Variants in PMM2 observed in about 807,000 individuals in gnomAD.
PMM2 encodes the protein phosphomannomutase 2, also known as mannose-6-phosphate isomerase.
Under a neutral mutation model 33.2 loss-of-function variants are expected in PMM2, and 35 were observed. The ratio of observed to expected loss-of-function variants is 1.06; its 90% CI spans 0.81 to 1.40. PMM2 has a LOEUF of 1.40. PMM2 is among the 40% of genes most tolerant of loss of function. The probability of loss-of-function intolerance (pLI) is 0.00; values close to 1 mark genes in which losing one functional copy is unlikely to be tolerated. For missense variants in PMM2, 386 were observed against 306.0 expected, an observed-to-expected ratio of 1.26 and a Z score of -1.95; for synonymous variants, 153 against 114.7, an observed-to-expected ratio of 1.33 and a Z score of -2.13.
intron 7 of PMM2, chr16:8,832,282 T>G (rs1326412239): frequency 5.1e-6 from 5 of 985,290 alleles, no homozygotes; most frequent in Non-Finnish European, 6.0e-6. Flanking sequence ...CTGCGAGCCG[T>G]GCGGCTCTCT....
At chr16:8,813,371 A>G (rs535424018) in intron 7 of PMM2, among the ~76,000 whole-genome samples, 4 of 152,134 alleles carry the variant, frequency 2.6e-5, no homozygotes, top group African/African-American at 4.8e-5. Context: ...TGGCCACCCT[A>G]TGTGCCTTCC....
At chr16:8,845,262 C>T (rs1296528356) in intron 7 of PMM2, among the ~76,000 whole-genome samples, 1 of 152,108 alleles carries the variant, frequency 6.6e-6, no homozygotes, top group African/African-American at 2.4e-5. Flanking sequence ...TTCAAAGAAC[C>T]TTCTTAAGGG....
At chr16:8,828,740 C>G (rs548715665) in intron 7 of PMM2, among the ~76,000 whole-genome samples, 2 of 152,288 alleles carry the variant, frequency 1.3e-5, no homozygotes, top group African/African-American at 4.8e-5. Flanking sequence ...TAGAGGGGTC[C>G]TATGTCCACA....
In PMM2 at chr16:8,804,832, T is replaced by A. The variant is rs1399590258; in HGVS notation, c.244T>A (p.Leu82Met). The change falls in exon 3 of 8, where the codon TTG (leucine) becomes ATG (methionine). Residue 82 changes from leucine (L) to methionine (M), a missense_variant. Physicochemically the swap from Leu to Met is conservative, Grantham distance 15. Coordinates refer to ENST00000268261, the MANE Select transcript of PMM2 (RefSeq NM_000303.3). The part of the protein sequence containing the change: ...GLVAYKDGKL[L>M]CRQNIQSHLG... ...GGTAGCATACAAAGATGGGAAACTC[T>A]TGTGTAGACAGGTAGGTTCTTGAGT... The A allele has an allele frequency of 1.2e-6, 2 of 1,605,866 alleles. No homozygotes were observed. The highest frequency in any genetic ancestry group is 8.5e-7 in the Non-Finnish European group (1 of 1,172,446).
In PMM2 at chr16:8,813,044, C is replaced by G. The variant is rs775516200; in HGVS notation, c.577C>G (p.Leu193Val). ...FPDGWDKRYCLRHVENDGYKT... is the reference protein window; with the variant it reads ...FPDGWDKRYCVRHVENDGYKT... ...TGATGGATGGGACAAGAGATACTGT[C>G]TGCGACATGTGGAAAATGACGGTTA... The change falls in exon 7 of 8, where the codon CTG becomes GTG. Residue 193 changes from leucine (L) to valine (V), a missense_variant. Transcript: ENST00000268261. 3 of 1,613,804 alleles carry G rather than the reference C, an allele frequency of 1.9e-6. No homozygotes were observed. The highest frequency in any genetic ancestry group is 2.5e-6 in the Non-Finnish European group (3 of 1,179,636).
At chr16:8,845,329 T>C (rs2060918176) in intron 7 of PMM2, among the ~76,000 whole-genome samples, 1 of 152,140 alleles carries the variant, frequency 6.6e-6, no homozygotes, top group South Asian at 2.1e-4. Flanking sequence ...CAAATCACAA[T>C]GGTGGAATGT....
At chr16:8,845,810 T>C (rs934939068) in intron 7 of PMM2, among the ~76,000 whole-genome samples, 3 of 151,928 alleles carry the variant, frequency 2.0e-5, no homozygotes, top group Admixed American at 1.3e-4. Context: ...TTTTTTTTTT[T>C]TTAATTAGAA....
chr16:8,821,261 C>T (rs547541532), intron 7 of PMM2, among the ~76,000 whole-genome samples: 77 of 152,276 alleles, frequency 5.1e-4, no homozygotes, highest in African/African-American at 1.8e-3. Flanking sequence ...ATGAGAGGTT[C>T]TCAGCCTGGT....
At chr16:8,811,769 T>G in intron 6 of PMM2, 56 bp downstream of exon 6, 5 of 1,142,348 alleles carry the variant, frequency 4.4e-6, no homozygotes, top group Admixed American at 1.7e-5. Flanking sequence ...CAGAGTTTGT[T>G]GTGGGCCAGT....
intron 3 of PMM2, 41 bp from the exon 4 acceptor site, chr16:8,806,275 C>A: frequency 7.6e-7 from 1 of 1,321,936 alleles, no homozygotes. Context: ...TTTGAAAATG[C>A]TCCTGCTAAA....
chr16:8,836,095 G>A (rs1193554386), intron 7 of PMM2, among the ~76,000 whole-genome samples: 2 of 151,628 alleles, frequency 1.3e-5, no homozygotes, highest in Non-Finnish European at 2.9e-5. Flanking sequence ...TTAGAAGCCT[G>A]GCCGTCAATA....
intron 2 of PMM2, chr16:8,802,446 TA>T: frequency 2.7e-6 from 1 of 365,726 alleles, no homozygotes; most frequent in Non-Finnish European, 5.4e-6. Flanking sequence ...ATTCTGTAAT[TA>T]TTGTAAACTA....
At chr16:8,817,537 C>T (rs1411701871) in intron 7 of PMM2, among the ~76,000 whole-genome samples, 2 of 152,182 alleles carry the variant, frequency 1.3e-5, no homozygotes, top group South Asian at 4.1e-4. Flanking sequence ...GAATGCAGTT[C>T]TTGGATAATC....
In PMM2 at chr16:8,833,044, C is replaced by T. The variant is rs376641451; in HGVS notation, c.640-14680C>T. 1.1e-4 allele frequency: 37 copies of T among 328,602 alleles called. No homozygotes were observed. In the East Asian group the frequency reaches 2.2e-3, roughly 19 times the overall value. The allele number at this position is 328,602 out of a possible 1,614,324, so 20.4% of individuals were successfully genotyped here. A position where few individuals can be genotyped will look rare whatever the true frequency, so the allele number is the denominator to read the frequency against. ...GCAATGCCTGGCGGGTAGAGGGTTT[C>T]GTGCGCGTCCGTGTGAAGAGACCAC... On this transcript the variant is annotated intron_variant, in intron 7 of 7. Transcript: ENST00000268261.
chr16:8,832,657 A>T lies in PMM2; in HGVS notation c.640-15067A>T, dbSNP rs1037843957. 3.0e-6 allele frequency: 3 copies of T among 985,262 alleles called. No individual in the cohort carries two copies. The South Asian group carries it at 1.4e-4, about 46-fold the overall frequency. The allele number at this position is 985,262 out of a possible 1,614,324, so 61.0% of individuals were successfully genotyped here. ...AGGAGCCTCCTAACTGCTCCCTTCA[A>T]TTGCGTCCTCACCCCGCACCCGTTC... On this transcript the variant is annotated intron_variant, in intron 7 of 7. Transcript: ENST00000268261.
At chr16:8,844,369 G>A (rs1486450212) in intron 7 of PMM2, among the ~76,000 whole-genome samples, 1 of 152,042 alleles carries the variant, frequency 6.6e-6, no homozygotes, top group Non-Finnish European at 1.5e-5. Flanking sequence ...AGAAAAGCGG[G>A]AAAGGGGTTG....
intron 7 of PMM2, among the ~76,000 whole-genome samples, chr16:8,831,779 C>T (rs565921166): frequency 1.3e-5 from 2 of 152,346 alleles, no homozygotes; most frequent in South Asian, 4.1e-4. Context: ...ATGGCCAACA[C>T]TATGCCTTCT....
intron 7 of PMM2, among the ~76,000 whole-genome samples, chr16:8,846,428 A>G (rs1316140392): frequency 2.6e-5 from 4 of 152,122 alleles, no homozygotes; most frequent in Non-Finnish European, 4.4e-5. Flanking sequence ...TGATTATCCA[A>G]TTTTATGAGG....
chr16:8,848,089 C>A lies in PMM2; in HGVS notation c.*264C>A. The stretch of plus-strand genomic sequence containing the variant: ...CCACCCCCAGCCCCCTAGTCTAATA[C>A]CCACCCTGATACGTGCAATCATGTA... On this transcript the variant is annotated 3_prime_UTR_variant, in exon 8 of 8. Coordinates refer to ENST00000268261, the MANE Select transcript of PMM2 (RefSeq NM_000303.3). 2.2e-6 allele frequency: 1 copy of A among 464,510 alleles called. No individual in the cohort carries two copies. The highest frequency in any genetic ancestry group is 3.9e-6 in the Non-Finnish European group (1 of 257,098). 28.8% of individuals were successfully genotyped at this position (464,510 alleles called of 1,614,324 possible).
Sources: gnomAD v4.1 joint callset for allele counts (sites outside exome capture counted in the v4.1 genomes callset) on GRCh38, gnomAD v4.1.1 for gene constraint, MANE v1.5 for transcripts, NCBI Gene and HGNC (gene_info 2026-07-23, HGNC 2026-07-21) for gene names.